The following C6 variants were observed in gnomAD, a reference collection of about 807,000 sequenced individuals.
C6 encodes the protein complement C6.
C6 carries 101 observed loss-of-function variants against 112.9 expected under a neutral mutation model. The ratio of observed to expected loss-of-function variants is 0.89; its 90% CI spans 0.76 to 1.06. C6 has a LOEUF of 1.06. Among genes scored for constraint, C6 ranks in the 50% least tolerant of loss-of-function variants. The pLI, the probability that C6 is intolerant of heterozygous loss-of-function variation, is 0.00. For missense variants in C6, 1,202 were observed against 1,104.6 expected (o/e 1.09, Z -1.25); for synonymous variants, 431 against 384.1 (o/e 1.12, Z -1.43).
chr5:41,187,571 G>A (rs1280804343), intron 5 of C6, among the ~76,000 whole-genome samples: 1 of 152,082 alleles, frequency 6.6e-6, no homozygotes, highest in Admixed American at 6.6e-5. Context: ...CTATCAAAGA[G>A]GAGCAAGGAT....
At chr5:41,242,404 G>A (rs951193630) in intron 1 of C6, among the ~76,000 whole-genome samples, 19 of 152,124 alleles carry the variant, frequency 1.2e-4, no homozygotes, top group African/African-American at 4.6e-4. Context: ...TAAGTTTCCT[G>A]AGGCCTCCCC....
At chr5:41,222,431 T>A (rs1739232035) in intron 1 of C6, among the ~76,000 whole-genome samples, 1 of 152,022 alleles carries the variant, frequency 6.6e-6, no homozygotes, top group Non-Finnish European at 1.5e-5. Context: ...AAGTTTTATA[T>A]TTTTTATTTT....
intron 1 of C6, 72 bp from the exon 2 acceptor site, chr5:41,203,322 A>C: frequency 6.7e-7 from 1 of 1,483,658 alleles, no homozygotes; most frequent in Non-Finnish European, 9.4e-7. Flanking sequence ...ATCCTGAGTC[A>C]GAGATTCAAA....
intron 9 of C6, among the ~76,000 whole-genome samples, chr5:41,163,571 A>G (rs1467557739): frequency 6.6e-6 from 1 of 152,138 alleles, no homozygotes; most frequent in Non-Finnish European, 1.5e-5. Flanking sequence ...TTGGCCTCCC[A>G]AAGTGCTGGG....
intron 13 of C6, 55 bp downstream of exon 13, chr5:41,158,619 A>T: frequency 1.1e-6 from 1 of 899,452 alleles, no homozygotes; most frequent in Non-Finnish European, 1.9e-6. Context: ...AAGACAAGCT[A>T]TACTTTTCGA....
At chr5:41,174,388 G>A (rs76121424) in intron 8 of C6, among the ~76,000 whole-genome samples, 6,958 of 152,234 alleles carry the variant, frequency 0.046, 169 homozygotes, top group Middle Eastern at 0.072. Context: ...ACCCTGATGC[G>A]TAAAAGACAG....
chr5:41,231,263 T>C (rs1206882971), intron 1 of C6, among the ~76,000 whole-genome samples: 1 of 152,118 alleles, frequency 6.6e-6, no homozygotes, highest in Non-Finnish European at 1.5e-5. Flanking sequence ...TTTTGTAGGG[T>C]TTTTTGTTTC....
chr5:41,190,742 A>G (rs1290269374), intron 5 of C6, among the ~76,000 whole-genome samples: 1 of 152,142 alleles, frequency 6.6e-6, no homozygotes, highest in African/African-American at 2.4e-5. Flanking sequence ...GGAATTTTAC[A>G]TGTAAGTCTT....
chr5:41,240,474 G>A (rs73074097), intron 1 of C6, among the ~76,000 whole-genome samples: 11,670 of 152,136 alleles, frequency 0.077, 742 homozygotes, highest in African/African-American at 0.17. Flanking sequence ...CAGTAGGGTG[G>A]CGGGATAACT....
Position 41,149,998 on chromosome 5 carries a change from C to A in C6, c.2318G>T (p.Cys773Phe). 4 of 1,612,704 alleles carry A rather than the reference C, an allele frequency of 2.5e-6. No individual in the cohort carries two copies. Among genetic ancestry groups the A allele is most frequent in the Non-Finnish European group, 3.4e-6 (4 of 1,178,982 alleles). ...KDTLTKLKGHCQLGQKQSGSE... is the reference protein window; with the variant it reads ...KDTLTKLKGHFQLGQKQSGSE... The stretch of plus-strand genomic sequence containing the variant: ...TCCTGATTGTTTCTGTCCCAGCTGA[C>A]AATGGCCTTTTAATTTTGTTAGAGT... Residue 773 changes from cysteine (C) to phenylalanine (F), a missense_variant, in exon 16 of 18, where the codon TGT becomes TTT. Physicochemically the swap from Cys to Phe is radical, Grantham distance 205 (BLOSUM62 -2). Coordinates refer to ENST00000337836, the MANE Select transcript of C6 (RefSeq NM_000065.5).
intron 1 of C6, among the ~76,000 whole-genome samples, chr5:41,249,067 A>G (rs905883497): frequency 1.3e-5 from 2 of 152,232 alleles, no homozygotes; most frequent in African/African-American, 2.4e-5. Flanking sequence ...AAAACTGAAT[A>G]CTGTATATTC....
chr5:41,191,085 T>TTTC (rs1304205328), intron 5 of C6, among the ~76,000 whole-genome samples: 2 of 146,420 alleles, frequency 1.4e-5, no homozygotes, highest in Non-Finnish European at 3.0e-5. Flanking sequence ...TTTTTTTTTT[T>TTTC]TTGCAGAGTC....
chr5:41,162,410 A>G (rs1747603588), intron 9 of C6, among the ~76,000 whole-genome samples: 1 of 152,214 alleles, frequency 6.6e-6, no homozygotes. Context: ...ATGATTTTAT[A>G]TTTAAAGACA....
rs531450776 is a variant in C6 at position 41,189,642 on chromosome 5, G to A, written c.588-3434C>T. On this transcript the variant is annotated intron_variant, in intron 5 of 17. Transcript: ENST00000337836. ...GGAATATTCAAAATTTTCTCTTCTC[G>A]GTATTTGAAAATATGTACTAAATTA... Among the ~76,000 whole-genome samples, 12 of 151,746 alleles carry A rather than the reference G, an allele frequency of 7.9e-5. No homozygotes were observed. In the East Asian group the frequency reaches 1.9e-3, roughly 24 times the overall value.
chr5:41,149,176 G>A (rs1675112685), intron 17 of C6, 65 bp downstream of exon 17: 5 of 1,564,634 alleles, frequency 3.2e-6, no homozygotes, highest in Non-Finnish European at 4.4e-6. Context: ...TTTTAAGAAA[G>A]ATGATGTACT....
In C6 at chr5:41,153,991, C is replaced by T. The variant is rs766686981; in HGVS notation, c.2109G>A (p.Glu703=). The part of the protein sequence containing the change: ...RQGDVECQRT[E]CIKPVVQEVL... Reference sequence around the variant, plus strand: ...CTTCCTGCACAACTGGCTTGATGCACTCCGTCCCTGCAAGAGAGCAACATT... The same window carrying T: ...CTTCCTGCACAACTGGCTTGATGCATTCCGTCCCTGCAAGAGAGCAACATT... Residue 703 remains glutamate (E), a synonymous_variant, in exon 15 of 18, where the codon GAG becomes GAA. Coordinates refer to ENST00000337836, the MANE Select transcript of C6 (RefSeq NM_000065.5). 1 of 1,613,500 alleles carries T rather than the reference C, an allele frequency of 6.2e-7. No individual in the cohort carries two copies. Among genetic ancestry groups the T allele is most frequent in the South Asian group, 1.1e-5 (1 of 91,070 alleles).
intron 1 of C6, among the ~76,000 whole-genome samples, chr5:41,255,587 G>A (rs867267797): frequency 1.3e-5 from 2 of 152,256 alleles, no homozygotes; most frequent in Middle Eastern, 3.4e-3. Context: ...AAACTGTGAA[G>A]CCTGAACATA....
Position 41,237,132 on chromosome 5 carries a change from G to A in C6, c.-21+24062C>T, listed in dbSNP as rs1443114422. 9.0e-4 allele frequency among the ~76,000 whole-genome samples: 113 copies of A among 126,108 alleles called. 1 individual carries two copies. The highest frequency in any genetic ancestry group is 7.0e-3 in the South Asian group (25 of 3,570). 82.7% of individuals were successfully genotyped at this position (126,108 alleles called of 152,430 possible). A position where few individuals can be genotyped will look rare whatever the true frequency, so the allele number is the denominator to read the frequency against. On this transcript the variant is annotated intron_variant, in intron 1 of 17. Transcript: ENST00000263413. ...TCCATGACCAGATGGATTCACAGCC[G>A]AATTCTACCAGAGGTACAAGGAGGA...
chr5:41,150,438 G>A (rs1746280197), intron 15 of C6, among the ~76,000 whole-genome samples: 1 of 152,150 alleles, frequency 6.6e-6, no homozygotes, highest in South Asian at 2.1e-4. Flanking sequence ...AATCAAATGA[G>A]CACACTAATA....
Sources: allele counts gnomAD v4.1 joint callset (sites outside exome capture counted in the v4.1 genomes callset), GRCh38; gene constraint gnomAD v4.1.1; transcripts MANE v1.5; gene names NCBI Gene and HGNC (gene_info 2026-07-23, HGNC 2026-07-21).